Variants in CIMAP1D observed in about 807,000 individuals in gnomAD.
The protein encoded by CIMAP1D is CIMAP1 family member D.
chr19:484,930 G>GT, the CIMAP1D span, among the ~76,000 whole-genome samples: 3 of 152,168 alleles, frequency 2.0e-5, no homozygotes, highest in Non-Finnish European at 4.4e-5. Flanking sequence ...GAAGGTGGGG[G>GT]TAGGGAAGCC....
At chr19:466,389 A>G in the CIMAP1D span, among the ~76,000 whole-genome samples, 49 of 82,826 alleles carry the variant, frequency 5.9e-4, no homozygotes, top group Non-Finnish European at 7.9e-4. Context: ...TGGATGAGTG[A>G]ATGGATGGGT....
At chr19:466,372 G>GGGTT in the CIMAP1D span, among the ~76,000 whole-genome samples, 1 of 136,642 alleles carries the variant, frequency 7.3e-6, no homozygotes, top group African/African-American at 2.8e-5. Flanking sequence ...GTGGGTGGGT[G>GGGTT]GGTGGATGGA....
chr19:463,450 G>C, the CIMAP1D span: 1 of 277,006 alleles, frequency 3.6e-6, no homozygotes, highest in East Asian at 8.9e-5. Context: ...GCCTGAGTTT[G>C]GGCTGGGACC....
the CIMAP1D span, among the ~76,000 whole-genome samples, chr19:480,502 GA>G: frequency 1.1e-3 from 155 of 143,696 alleles, 1 homozygote; most frequent in South Asian, 0.015. Flanking sequence ...AAGGATGATG[GA>G]GAAGGATGAT....
At chr19:481,353 G>C in the CIMAP1D span, among the ~76,000 whole-genome samples, 7 of 125,664 alleles carry the variant, frequency 5.6e-5, no homozygotes, top group Middle Eastern at 5.7e-3. Context: ...ATGATGGGAA[G>C]GATGATGGAG....
the CIMAP1D span, chr19:472,318 A>G: frequency 1.2e-6 from 1 of 827,576 alleles, no homozygotes; most frequent in East Asian, 3.2e-5. Context: ...TCTAAGGGGT[A>G]AGGAGACCCA....
chr19:478,172 G>A, the CIMAP1D span, among the ~76,000 whole-genome samples: 7,741 of 152,190 alleles, frequency 0.051, 638 homozygotes, highest in African/African-American at 0.18. Context: ...AACCTCCCTC[G>A]ACCAAAGCTG....
chr19:473,317 G>A, the CIMAP1D span, among the ~76,000 whole-genome samples: 1 of 22,918 alleles, frequency 4.4e-5, no homozygotes, highest in Non-Finnish European at 7.0e-5. Flanking sequence ...AGAGATACAT[G>A]GTCACAGATG....
chr19:475,418 C>T, the CIMAP1D span, among the ~76,000 whole-genome samples: 1 of 152,188 alleles, frequency 6.6e-6, no homozygotes, highest in Non-Finnish European at 1.5e-5. Context: ...TAAGTGAACA[C>T]AGTCTGGTGT....
chr19:463,596 TG>T, the CIMAP1D span: 1 of 568,430 alleles, frequency 1.8e-6, no homozygotes, highest in Non-Finnish European at 3.0e-6. Flanking sequence ...TGGCCTGGCC[TG>T]GCCTGGCGTG....
the CIMAP1D span, among the ~76,000 whole-genome samples, chr19:484,150 T>A: frequency 6.7e-6 from 1 of 148,896 alleles, no homozygotes; most frequent in Admixed American, 6.7e-5. Context: ...TTTTTTTTTT[T>A]TTTTTTTTGA....
the CIMAP1D span, among the ~76,000 whole-genome samples, chr19:485,139 G>A: frequency 3.0e-5 from 4 of 133,340 alleles, no homozygotes; most frequent in Admixed American, 7.5e-5. Context: ...ACCCAGCGGA[G>A]GACCCTGCTG....
the CIMAP1D span, among the ~76,000 whole-genome samples, chr19:485,177 T>G: frequency 1.3e-5 from 2 of 152,064 alleles, no homozygotes; most frequent in Non-Finnish European, 2.9e-5. Context: ...TGGAGGGTCA[T>G]TGCCGTGCTC....
the CIMAP1D span, among the ~76,000 whole-genome samples, chr19:479,340 G>A: frequency 3.4e-5 from 5 of 146,708 alleles, no homozygotes; most frequent in African/African-American, 5.0e-5. Context: ...GGCTGTAGAA[G>A]CTCAGGAAGC....
chr19:485,437 A>T, the CIMAP1D span, among the ~76,000 whole-genome samples: 2 of 152,210 alleles, frequency 1.3e-5, no homozygotes, highest in Admixed American at 1.3e-4. Flanking sequence ...AGTCCAGATG[A>T]CAGACATGAC....
At chr19:476,985 T>C in the CIMAP1D span, among the ~76,000 whole-genome samples, 1 of 152,186 alleles carries the variant, frequency 6.6e-6, no homozygotes, top group African/African-American at 2.4e-5. Context: ...GGCAAGCAGA[T>C]TGCTTCAGCT....
At chr19:490,259 C>T in the CIMAP1D span, 5 of 293,216 alleles carry the variant, frequency 1.7e-5, no homozygotes, top group Admixed American at 1.6e-4. Context: ...GGAAGGCCGT[C>T]ACAGTAGAAT....
chr19:491,111 G>A, the CIMAP1D span, among the ~76,000 whole-genome samples: 1 of 143,558 alleles, frequency 7.0e-6, no homozygotes, highest in African/African-American at 2.7e-5. Flanking sequence ...AAAAAAAAAA[G>A]TCTACAAATA....
At chr19:465,712 GATGA>G in the CIMAP1D span, among the ~76,000 whole-genome samples, 3 of 143,674 alleles carry the variant, frequency 2.1e-5, no homozygotes, top group African/African-American at 7.8e-5. Context: ...TGGGTGGATA[GATGA>G]ATGAGTGGGT....
Sources: gnomAD v4.1 joint callset for allele counts (sites outside exome capture counted in the v4.1 genomes callset) on GRCh38, gnomAD v4.1.1 for gene constraint, MANE v1.5 for transcripts, NCBI Gene and HGNC (gene_info 2026-07-23, HGNC 2026-07-21) for gene names.